NCK2: variants seen among roughly 807,000 people sequenced by gnomAD.
NCK2 encodes the protein NCK adaptor protein 2.
NCK2 carries 16 observed loss-of-function variants against 33.9 expected under a neutral mutation model. The observed-to-expected ratio is 0.47, with a 90% CI of 0.32 to 0.72. The LOEUF (loss-of-function observed/expected upper bound fraction) is 0.72, where lower values mean the gene tolerates loss of function less well. NCK2 is among the 30% of genes least tolerant of loss of function. The pLI, the probability that NCK2 is intolerant of heterozygous loss-of-function variation, is 0.03. For synonymous variants in NCK2, 273 were observed against 239.9 expected, an observed-to-expected ratio of 1.14 and a Z score of -1.27; for missense variants, 418 against 537.3, an observed-to-expected ratio of 0.78 and a Z score of 2.19.
intron 1 of NCK2, among the ~76,000 whole-genome samples, chr2:105,748,362 T>A (rs1689356298): frequency 6.6e-6 from 1 of 152,174 alleles, no homozygotes; most frequent in Non-Finnish European, 1.5e-5. Context: ...TGATTTGTCA[T>A]CTGTGACATT....
chr2:105,765,072 G>A (rs1689896381), intron 1 of NCK2, among the ~76,000 whole-genome samples: 1 of 151,988 alleles, frequency 6.6e-6, no homozygotes, highest in East Asian at 1.9e-4. Context: ...AGAGTTACAT[G>A]GTATGGACAT....
At chr2:105,816,735 A>T (rs563508447) in intron 2 of NCK2, 122 bp downstream of exon 2, 1 of 152,188 alleles carries the variant, frequency 6.6e-6, no homozygotes, top group Non-Finnish European at 1.5e-5. Context: ...ATCACATTAA[A>T]TTTAAGCTTT....
chr2:105,770,888 A>G lies in NCK2; in HGVS notation c.-201+25750A>G, dbSNP rs375989559. Among the ~76,000 whole-genome samples the G allele has an allele frequency of 9.2e-5, 14 of 151,564 alleles. No homozygotes were observed. The East Asian group carries it at 1.9e-3, about 21-fold the overall frequency. ...TCAGTGTTTGGCAATTCTGATGTTA[A>G]TATCATGATTTCTTTTTGTTTGTTT... On this transcript the variant is annotated intron_variant, in intron 1 of 4. Transcript: ENST00000233154.
intron 1 of NCK2, among the ~76,000 whole-genome samples, chr2:105,786,733 C>T (rs1690694189): frequency 6.6e-6 from 1 of 152,176 alleles, no homozygotes; most frequent in Non-Finnish European, 1.5e-5. Context: ...ATTTCTCTGC[C>T]TCCTTCAGGT....
chr2:105,752,333 A>G (rs1689479274), intron 1 of NCK2, among the ~76,000 whole-genome samples: 1 of 152,244 alleles, frequency 6.6e-6, no homozygotes, highest in South Asian at 2.1e-4. Flanking sequence ...GAGTAATGTC[A>G]TCCTTCAGAC....
chr2:105,797,973 G>A (rs1002044542), intron 1 of NCK2, among the ~76,000 whole-genome samples: 52 of 152,138 alleles, frequency 3.4e-4, no homozygotes, highest in African/African-American at 1.3e-3. Context: ...GGGCTGACTA[G>A]CTATAGTGAT....
In NCK2 at chr2:105,768,993, G is replaced by C. The variant is rs189382574; in HGVS notation, c.-201+23855G>C. 1.4e-3 allele frequency among the ~76,000 whole-genome samples: 210 copies of C among 152,204 alleles called. 3 individuals are homozygous for C. The highest frequency in any genetic ancestry group is 0.013 in the Admixed American group (193 of 15,296). On this transcript the variant is annotated intron_variant, in intron 1 of 4. Coordinates refer to ENST00000233154, the MANE Select transcript of NCK2 (RefSeq NM_003581.5). ...ACCCCTCCCAGAGGTTGGGGTGTAGGGGGTGCAGAAAGTTCCCACTCTCTA... is the reference window on the plus strand; with the variant it reads ...ACCCCTCCCAGAGGTTGGGGTGTAGCGGGTGCAGAAAGTTCCCACTCTCTA...
At chr2:105,828,562 CAGT>C (rs2104515569) in intron 2 of NCK2, among the ~76,000 whole-genome samples, 1 of 152,252 alleles carries the variant, frequency 6.6e-6, no homozygotes, top group East Asian at 1.9e-4. Flanking sequence ...AGGCTGAAAA[CAGT>C]AGAAGGCTCT....
rs1281777800 is a variant in NCK2 at position 105,855,273 on chromosome 2, C to T, written c.210C>T (p.Asn70=). The T allele has an allele frequency of 6.2e-7, 1 of 1,606,584 alleles. No homozygotes were observed. The highest frequency in any genetic ancestry group is 1.1e-5 in the South Asian group (1 of 89,810). Reference sequence around the variant, plus strand: ...TGAAGAAGGGCTCCCTCGTGAAGAACCTGAAGGACACACTAGGTGAGTGTT... The same window carrying T: ...TGAAGAAGGGCTCCCTCGTGAAGAATCTGAAGGACACACTAGGTGAGTGTT... ...NSLKKGSLVK[N]LKDTLGLGKT... is the part of the protein sequence containing the mutation. Residue 70 remains asparagine, a synonymous_variant, in exon 3 of 5, where the codon AAC becomes AAT. Coordinates refer to ENST00000233154, the MANE Select transcript of NCK2 (RefSeq NM_003581.5).
At chr2:105,829,987 G>A (rs1216861860) in intron 2 of NCK2, among the ~76,000 whole-genome samples, 1 of 151,866 alleles carries the variant, frequency 6.6e-6, no homozygotes, top group Non-Finnish European at 1.5e-5. Context: ...CATTCTAATT[G>A]TTCCTATTAA....
chr2:105,822,492 C>T (rs770730516), intron 2 of NCK2, among the ~76,000 whole-genome samples: 1 of 152,040 alleles, frequency 6.6e-6, no homozygotes, highest in Non-Finnish European at 1.5e-5. Context: ...CTTCCCACAG[C>T]GCCCCTGTTC....
At chr2:105,892,845 C>CAAAAAA in intron 4 of NCK2, 137 bp from the exon 5 acceptor site, 4 of 470,020 alleles carry the variant, frequency 8.5e-6, no homozygotes, top group African/African-American at 2.7e-5. Flanking sequence ...AACTCCATCT[C>CAAAAAA]AAAAAAAAAA....
At chr2:105,883,730 G>A (rs967309671) in intron 4 of NCK2, among the ~76,000 whole-genome samples, 1 of 152,184 alleles carries the variant, frequency 6.6e-6, no homozygotes, top group Non-Finnish European at 1.5e-5. Context: ...GCACCCCACT[G>A]TCTCAGTTGT....
intron 2 of NCK2, among the ~76,000 whole-genome samples, chr2:105,820,910 GA>G (rs1675703623): frequency 6.6e-6 from 1 of 152,174 alleles, no homozygotes; most frequent in African/African-American, 2.4e-5. Context: ...TTCACAAACC[GA>G]GTCAGTTGGT....
chr2:105,835,408 T>TATATATATATATATATATATACATAC lies in NCK2; in HGVS notation c.-17+18795_-17+18796insATATATATATATATATATATACATAC, dbSNP rs1553458610. Among the ~76,000 whole-genome samples the TATATATATATATATATATATACATAC allele has an allele frequency of 4.1e-3, 168 of 41,244 alleles. 10 individuals carry two copies. The highest frequency in any genetic ancestry group is 8.6e-3 in the Non-Finnish European group (126 of 14,710). 27.1% of individuals were successfully genotyped at this position (41,244 alleles called of 152,430 possible). A position where few individuals can be genotyped will look rare whatever the true frequency, so the allele number is the denominator to read the frequency against. On this transcript the variant is annotated intron_variant, in intron 2 of 4. Transcript: ENST00000233154. ...ATACACATATATATATATATATACG[T>TATATATATATATATATATATACATAC]GTATATATATATATATTTTTTTTTT... is the stretch of plus-strand genomic sequence containing the variant.
At position 105,804,331 on chromosome 2, in the gene NCK2, C is replaced by T. The variant is rs548641057; in HGVS notation, c.-200-12099C>T. Among the ~76,000 whole-genome samples, 26 of 152,302 alleles carry T rather than the reference C, an allele frequency of 1.7e-4. 1 individual carries two copies. The South Asian group carries it at 4.8e-3, about 28-fold the overall frequency. ...GGATTATCTGAGAAGACCTGGTGGACGAGAAAATGGGTTTGACTTTTTGCC... is the reference window on the plus strand; with the variant it reads ...GGATTATCTGAGAAGACCTGGTGGATGAGAAAATGGGTTTGACTTTTTGCC... On this transcript the variant is annotated intron_variant, in intron 1 of 4. Coordinates refer to ENST00000233154, the MANE Select transcript of NCK2 (RefSeq NM_003581.5).
At chr2:105,762,514 G>A (rs1028946133) in intron 1 of NCK2, among the ~76,000 whole-genome samples, 12 of 152,194 alleles carry the variant, frequency 7.9e-5, no homozygotes, top group African/African-American at 7.2e-5. Context: ...TCCTAAAGAC[G>A]GTGTCCTGAA....
intron 2 of NCK2, among the ~76,000 whole-genome samples, chr2:105,823,967 C>A (rs1164518534): frequency 6.6e-6 from 1 of 152,082 alleles, no homozygotes; most frequent in African/African-American, 2.4e-5. Flanking sequence ...CCGGAGCAGT[C>A]CCTGGCCGGC....
intron 2 of NCK2, chr2:105,854,167 C>T (rs1431991783): frequency 6.6e-6 from 1 of 152,176 alleles, no homozygotes; most frequent in African/African-American, 2.4e-5. Context: ...TCCGCTATGT[C>T]TTTTCATGGC....
Sources: allele counts gnomAD v4.1 joint callset (sites outside exome capture counted in the v4.1 genomes callset), GRCh38; gene constraint gnomAD v4.1.1; transcripts MANE v1.5; gene names NCBI Gene and HGNC (gene_info 2026-07-23, HGNC 2026-07-21).